CNTLN: variants seen among roughly 807,000 people sequenced by gnomAD.
CNTLN encodes centlein.
A neutral mutation model predicts 180.0 loss-of-function variants in CNTLN; 212 were observed. The ratio of observed to expected loss-of-function variants is 1.18; its 90% CI spans 1.05 to 1.32. The LOEUF (loss-of-function observed/expected upper bound fraction) is 1.32. CNTLN is among the 40% of genes most tolerant of loss of function. The pLI, the probability that CNTLN is intolerant of heterozygous loss-of-function variation, is 0.00. For missense variants in CNTLN, 2,095 were observed against 1,610.9 expected, an observed-to-expected ratio of 1.30 and a Z score of -5.14; for synonymous variants, 722 against 563.1, an observed-to-expected ratio of 1.28 and a Z score of -3.99.
chr9:17,440,118 A>G (rs940548578), intron 18 of CNTLN, among the ~76,000 whole-genome samples: 1 of 152,354 alleles, frequency 6.6e-6, no homozygotes, highest in African/African-American at 2.4e-5. Flanking sequence ...AAACATTAAC[A>G]AGTGTTGATA....
rs568683164 is a variant in CNTLN, at chr9:17,141,754, A to T, written c.361-1534A>T. On this transcript the variant is annotated intron_variant, in intron 1 of 25. Transcript: ENST00000380647. ...CATGTAGATAAGGACAGTAGGGTTTATTGATGATTTGGATATGAAGTATGA... is the reference window on the plus strand; with the variant it reads ...CATGTAGATAAGGACAGTAGGGTTTTTTGATGATTTGGATATGAAGTATGA... 2.0e-5 allele frequency among the ~76,000 whole-genome samples: 3 copies of T among 152,242 alleles called. No homozygotes were observed. The South Asian group carries it at 6.2e-4, about 32-fold the overall frequency.
chr9:17,416,857 A>G (rs959963432), intron 18 of CNTLN, among the ~76,000 whole-genome samples: 2 of 152,076 alleles, frequency 1.3e-5, no homozygotes, highest in African/African-American at 4.8e-5. Context: ...ATGATTTGTT[A>G]GAAAATTATT....
At chr9:17,282,007 G>A (rs1349180103) in intron 6 of CNTLN, among the ~76,000 whole-genome samples, 3 of 152,144 alleles carry the variant, frequency 2.0e-5, no homozygotes, top group African/African-American at 7.2e-5. Context: ...TCTGTTGCCA[G>A]GCTGGAGTGC....
chr9:17,223,965 A>G (rs765071418), intron 2 of CNTLN, among the ~76,000 whole-genome samples: 8 of 151,928 alleles, frequency 5.3e-5, no homozygotes, highest in African/African-American at 9.7e-5. Flanking sequence ...TACTAGTTCC[A>G]TGACTTGACT....
At chr9:17,193,392 TG>T (rs1013105418) in intron 2 of CNTLN, among the ~76,000 whole-genome samples, 2 of 152,022 alleles carry the variant, frequency 1.3e-5, no homozygotes, top group African/African-American at 4.8e-5. Context: ...CCAGATACAA[TG>T]GGGGTACAGG....
intron 7 of CNTLN, chr9:17,298,954 C>A (rs971467220): frequency 1.0e-6 from 1 of 984,694 alleles, no homozygotes; most frequent in African/African-American, 1.7e-5. Flanking sequence ...AAAAAAAATA[C>A]CTTTATTGGC....
At chr9:17,163,960 A>AGTGAGCTGAAT (rs1232302312) in intron 2 of CNTLN, among the ~76,000 whole-genome samples, 1 of 151,926 alleles carries the variant, frequency 6.6e-6, no homozygotes, top group Admixed American at 6.6e-5. Flanking sequence ...TGTAGGTTGC[A>AGTGAGCTGAAT]GTGAGCTGAA....
At chr9:17,469,354 T>A (rs1831928690) in intron 23 of CNTLN, among the ~76,000 whole-genome samples, 1 of 151,788 alleles carries the variant, frequency 6.6e-6, no homozygotes. Context: ...TAGTTGCTAT[T>A]GGTACCATGT....
At chr9:17,322,305 A>G (rs938782462) in intron 8 of CNTLN, among the ~76,000 whole-genome samples, 5 of 152,112 alleles carry the variant, frequency 3.3e-5, no homozygotes, top group African/African-American at 1.2e-4. Flanking sequence ...TGAAGTCTTT[A>G]TCTTTTGTAA....
At chr9:17,483,434 CT>C (rs1832746325) in intron 23 of CNTLN, among the ~76,000 whole-genome samples, 1 of 152,156 alleles carries the variant, frequency 6.6e-6, no homozygotes, top group South Asian at 2.1e-4. Flanking sequence ...TATACACACC[CT>C]TTGATCCAGC....
chr9:17,254,893 A>G (rs970549973), intron 5 of CNTLN, among the ~76,000 whole-genome samples: 4 of 151,688 alleles, frequency 2.6e-5, no homozygotes, highest in African/African-American at 7.2e-5. Context: ...TTACATCTTA[A>G]CAACATTGTC....
At chr9:17,164,806 C>CTTAGAACA (rs1371348565) in intron 2 of CNTLN, among the ~76,000 whole-genome samples, 1 of 149,496 alleles carries the variant, frequency 6.7e-6, no homozygotes, top group Non-Finnish European at 1.5e-5. Flanking sequence ...AGTCCAGATT[C>CTTAGAACA]TTAGAACATT....
chr9:17,201,048 T>C (rs1348060468), intron 2 of CNTLN, among the ~76,000 whole-genome samples: 1 of 152,236 alleles, frequency 6.6e-6, no homozygotes, highest in Non-Finnish European at 1.5e-5. Flanking sequence ...TGAAGGGATG[T>C]TGAATTTTAT....
chr9:17,154,444 G>T (rs1016948223), intron 2 of CNTLN, among the ~76,000 whole-genome samples: 1 of 152,174 alleles, frequency 6.6e-6, no homozygotes, highest in East Asian at 1.9e-4. Flanking sequence ...TCCTGACCCT[G>T]TTTGCTTGGG....
chr9:17,250,212 A>G (rs953303531), intron 5 of CNTLN, among the ~76,000 whole-genome samples: 4 of 151,840 alleles, frequency 2.6e-5, no homozygotes, highest in African/African-American at 7.3e-5. Flanking sequence ...TTTTCATGGA[A>G]TATCTTTTTC....
intron 23 of CNTLN, among the ~76,000 whole-genome samples, chr9:17,469,453 T>G (rs550242154): frequency 1.6e-4 from 24 of 151,866 alleles, no homozygotes; most frequent in Middle Eastern, 3.4e-3. Flanking sequence ...GATATTTGGG[T>G]CTTAAGAAAG....
chr9:17,217,057 A>G (rs1823807991), intron 2 of CNTLN, among the ~76,000 whole-genome samples: 1 of 152,242 alleles, frequency 6.6e-6, no homozygotes, highest in African/African-American at 2.4e-5. Context: ...GTTCAAGGTG[A>G]GAGTACTTGC....
intron 5 of CNTLN, among the ~76,000 whole-genome samples, chr9:17,251,169 A>G (rs1826117719): frequency 6.6e-6 from 1 of 151,906 alleles, no homozygotes; most frequent in Admixed American, 6.6e-5. Flanking sequence ...TGCTACTTTG[A>G]AGATTGTCTC....
the CNTLN span, among the ~76,000 whole-genome samples, chr9:17,522,764 T>C: frequency 1.3e-5 from 2 of 151,632 alleles, 1 homozygote; most frequent in South Asian, 4.1e-4. Context: ...ATTTAAAAGA[T>C]ACTTTTATTC....
Sources: allele counts gnomAD v4.1 joint callset (sites outside exome capture counted in the v4.1 genomes callset), GRCh38; gene constraint gnomAD v4.1.1; transcripts MANE v1.5; gene names NCBI Gene and HGNC (gene_info 2026-07-23, HGNC 2026-07-21).